BAIAP2L1: variants seen among roughly 807,000 people sequenced by gnomAD.
BAIAP2L1 encodes the protein BAR/IMD domain-containing adapter protein 2-like 1.
BAIAP2L1 carries 35 observed loss-of-function variants against 66.3 expected under a neutral mutation model. That is an observed-to-expected ratio of 0.53 (90% CI 0.40 to 0.70). The LOEUF is 0.70. Among genes scored for constraint, BAIAP2L1 ranks in the 30% least tolerant of loss-of-function variants. BAIAP2L1 has a pLI of 0.00. For synonymous variants in BAIAP2L1, 269 were observed against 248.7 expected, an observed-to-expected ratio of 1.08 and a Z score of -0.77; for missense variants, 622 against 656.9, an observed-to-expected ratio of 0.95 and a Z score of 0.58.
chr7:98,376,512 C>CA (rs1382708215), intron 1 of BAIAP2L1, among the ~76,000 whole-genome samples: 1 of 151,360 alleles, frequency 6.6e-6, no homozygotes, highest in Non-Finnish European at 1.5e-5. Flanking sequence ...GACCTTGTCT[C>CA]AAAAAACAAA....
At chr7:98,397,722 C>T (rs1166825868) in intron 1 of BAIAP2L1, among the ~76,000 whole-genome samples, 1 of 152,104 alleles carries the variant, frequency 6.6e-6, no homozygotes, top group Non-Finnish European at 1.5e-5. Flanking sequence ...AGCATATACT[C>T]ATCAGAAAAC....
chr7:98,306,182 G>A (rs1449208860), intron 11 of BAIAP2L1, among the ~76,000 whole-genome samples: 1 of 152,194 alleles, frequency 6.6e-6, no homozygotes, highest in African/African-American at 2.4e-5. Flanking sequence ...GAGGGGCAGG[G>A]CACAGGGAGG....
intron 12 of BAIAP2L1, among the ~76,000 whole-genome samples, chr7:98,295,171 G>A (rs6949718): frequency 0.38 from 58,241 of 152,174 alleles, 12,735 homozygotes; most frequent in Middle Eastern, 0.54. Context: ...AGCGCAGGCC[G>A]TTCCTGGACA....
chr7:98,330,397 C>T (rs1262084171), intron 3 of BAIAP2L1, among the ~76,000 whole-genome samples: 1 of 152,166 alleles, frequency 6.6e-6, no homozygotes, highest in South Asian at 2.1e-4. Context: ...GTGGCTCACA[C>T]CTGTAATGCC....
At chr7:98,352,114 T>A (rs557359608) in intron 3 of BAIAP2L1, among the ~76,000 whole-genome samples, 1 of 152,120 alleles carries the variant, frequency 6.6e-6, no homozygotes, top group Admixed American at 6.5e-5. Context: ...CCATGACTCT[T>A]CCATACAGGG....
At chr7:98,374,168 T>G (rs1328755505) in intron 1 of BAIAP2L1, among the ~76,000 whole-genome samples, 1 of 152,082 alleles carries the variant, frequency 6.6e-6, no homozygotes, top group Non-Finnish European at 1.5e-5. Context: ...AGGCTGGCCT[T>G]GAACTCCTGG....
chr7:98,395,436 CA>C (rs36036652), intron 1 of BAIAP2L1, among the ~76,000 whole-genome samples: 176 of 121,150 alleles, frequency 1.5e-3, no homozygotes, highest in South Asian at 4.8e-3. Context: ...AAGACTGTCT[CA>C]AAAAAAAAAA....
rs183344548 is a variant in BAIAP2L1, at chr7:98,365,396, T to G, written c.52-2964A>C. Among the ~76,000 whole-genome samples, 1,018 of 152,366 alleles carry G rather than the reference T, an allele frequency of 6.7e-3. 6 individuals carry two copies. The highest frequency in any genetic ancestry group is 0.02 in the Middle Eastern group (6 of 294). On this transcript the variant is annotated intron_variant, in intron 1 of 13. Coordinates refer to ENST00000005260, the MANE Select transcript of BAIAP2L1 (RefSeq NM_018842.5). Reference sequence around the variant, plus strand: ...ACGCTAACAGATATCCTCAACTTTATGTTCCAATTCTATTTTTTGAATTTG... The same window carrying G: ...ACGCTAACAGATATCCTCAACTTTAGGTTCCAATTCTATTTTTTGAATTTG...
At chr7:98,300,436 C>T (rs1016238293) in intron 12 of BAIAP2L1, among the ~76,000 whole-genome samples, 1 of 152,176 alleles carries the variant, frequency 6.6e-6, no homozygotes, top group Non-Finnish European at 1.5e-5. Flanking sequence ...AGTCCCTCCC[C>T]GCAATGCTTT....
At chr7:98,329,771 A>G (rs1386377388) in intron 3 of BAIAP2L1, among the ~76,000 whole-genome samples, 1 of 151,676 alleles carries the variant, frequency 6.6e-6, no homozygotes, top group African/African-American at 2.4e-5. Flanking sequence ...CTGGCCTATC[A>G]CCCCACACCC....
chr7:98,357,051 T>TATATATA (rs1562782964), intron 2 of BAIAP2L1, among the ~76,000 whole-genome samples: 4 of 10,188 alleles, frequency 3.9e-4, no homozygotes, highest in African/African-American at 1.0e-3. Context: ...ATATATATAT[T>TATATATA]TTTTTTTTTT....
At chr7:98,297,896 A>G (rs1040185051) in intron 12 of BAIAP2L1, among the ~76,000 whole-genome samples, 4 of 152,230 alleles carry the variant, frequency 2.6e-5, no homozygotes, top group African/African-American at 9.6e-5. Context: ...GGAGGGAGCC[A>G]ATACTTCCTC....
chr7:98,348,105 C>G (rs11977042), intron 3 of BAIAP2L1, among the ~76,000 whole-genome samples: 123 of 151,892 alleles, frequency 8.1e-4, no homozygotes, highest in African/African-American at 2.9e-3. Context: ...CCTGCACGTT[C>G]TTCACATGTA....
intron 12 of BAIAP2L1, among the ~76,000 whole-genome samples, chr7:98,302,923 TACA>T (rs1800487596): frequency 6.6e-6 from 1 of 152,164 alleles, no homozygotes; most frequent in Non-Finnish European, 1.5e-5. Flanking sequence ...CAGCTGGGAC[TACA>T]GACATGTGCC....
intron 1 of BAIAP2L1, among the ~76,000 whole-genome samples, chr7:98,392,409 C>T (rs564196124): frequency 4.8e-4 from 73 of 152,194 alleles, no homozygotes; most frequent in African/African-American, 1.5e-3. Context: ...ACCATGCAGA[C>T]AACAGCATCA....
intron 1 of BAIAP2L1, among the ~76,000 whole-genome samples, chr7:98,398,806 G>A (rs1803281175): frequency 6.6e-6 from 1 of 152,134 alleles, no homozygotes; most frequent in African/African-American, 2.4e-5. Flanking sequence ...AAAAAAGCAG[G>A]GTTTAACTCA....
chr7:98,366,871 C>G (rs983948623), intron 1 of BAIAP2L1, among the ~76,000 whole-genome samples: 4 of 152,068 alleles, frequency 2.6e-5, no homozygotes, highest in African/African-American at 9.7e-5. Flanking sequence ...TTTCTTCCCT[C>G]CATCCCTTCT....
chr7:98,293,673 TTC>T, intron 13 of BAIAP2L1, 77 bp from the exon 14 acceptor site: 1 of 1,433,310 alleles, frequency 7.0e-7, no homozygotes, highest in Non-Finnish European at 9.8e-7. Flanking sequence ...TAATAACCCG[TTC>T]TTGCCCTGTG....
intron 1 of BAIAP2L1, chr7:98,385,660 T>C: frequency 1.4e-6 from 1 of 711,202 alleles, no homozygotes. Context: ...GCAAGCTGCC[T>C]GCTTCAGCCT....
Sources: gnomAD v4.1 joint callset for allele counts (sites outside exome capture counted in the v4.1 genomes callset) on GRCh38, gnomAD v4.1.1 for gene constraint, MANE v1.5 for transcripts, NCBI Gene and HGNC (gene_info 2026-07-23, HGNC 2026-07-21) for gene names.